RTN4: variants seen among roughly 807,000 people sequenced by gnomAD.
The protein encoded by RTN4 is reticulon-4.
A neutral mutation model predicts 90.4 loss-of-function variants in RTN4; 32 were observed. The ratio of observed to expected loss-of-function variants is 0.35; its 90% CI spans 0.27 to 0.48. The LOEUF is 0.48. RTN4 is among the 20% of genes least tolerant of loss of function. RTN4 has a pLI of 0.99. For missense variants in RTN4, 1,706 were observed against 1,430.2 expected (o/e 1.19, Z -3.11); for synonymous variants, 629 against 552.5 (o/e 1.14, Z -1.94).
At chr2:54,973,726 T>C in intron 7 of RTN4, 95 bp downstream of exon 7, 1 of 1,495,172 alleles carries the variant, frequency 6.7e-7, no homozygotes, top group Non-Finnish European at 9.3e-7. Flanking sequence ...TTCTCATTTT[T>C]GTAAGACATT....
intron 2 of RTN4, among the ~76,000 whole-genome samples, chr2:55,071,342 G>C (rs541685717): frequency 6.6e-6 from 1 of 151,802 alleles, no homozygotes; most frequent in Non-Finnish European, 1.5e-5. Flanking sequence ...TTCTGTACGG[G>C]TGATTATAAG....
chr2:54,991,864 A>T (rs190525717), intron 3 of RTN4, among the ~76,000 whole-genome samples: 171 of 152,324 alleles, frequency 1.1e-3, no homozygotes, highest in African/African-American at 3.9e-3. Context: ...TTTTTCAAGC[A>T]ATTATAAACT....
chr2:55,024,808 T>C (rs1681696463), intron 3 of RTN4, among the ~76,000 whole-genome samples: 2 of 152,048 alleles, frequency 1.3e-5, no homozygotes. Context: ...AAGAAAGAAA[T>C]AGGTACTAAA....
At chr2:55,129,073 A>T in the RTN4 span, among the ~76,000 whole-genome samples, 2 of 144,156 alleles carry the variant, frequency 1.4e-5, no homozygotes, top group Non-Finnish European at 3.0e-5. Context: ...GCGCCACTAC[A>T]CTCCAGCCTA....
At chr2:55,118,253 C>A in the RTN4 span, among the ~76,000 whole-genome samples, 3 of 151,926 alleles carry the variant, frequency 2.0e-5, no homozygotes, top group Non-Finnish European at 2.9e-5. Context: ...TTGCTTGAGC[C>A]CAGGAGCTCA....
chr2:54,981,845 G>T (rs1224654548), intron 5 of RTN4, among the ~76,000 whole-genome samples: 2 of 78,064 alleles, frequency 2.6e-5, no homozygotes, highest in Non-Finnish European at 5.3e-5. Flanking sequence ...AGCAAAGTCA[G>T]AATGAATAAA....
At chr2:55,114,401 C>T (rs949187049), upstream of RTN4, among the ~76,000 whole-genome samples, 4 of 152,168 alleles carry the variant, frequency 2.6e-5, no homozygotes, top group African/African-American at 9.7e-5. Flanking sequence ...TGTTTGATGT[C>T]TCCTGATTAA....
chr2:55,062,311 TCTAATTGAGCTGA>T (rs1418072909), intron 2 of RTN4, among the ~76,000 whole-genome samples: 10 of 148,574 alleles, frequency 6.7e-5, no homozygotes, highest in Admixed American at 6.7e-4. Context: ...AAGGCAGGGG[TCTAATTGAGCTGA>T]CTAACACAAG....
chr2:55,134,513 C>T, the RTN4 span, among the ~76,000 whole-genome samples: 1 of 152,192 alleles, frequency 6.6e-6, no homozygotes, highest in Non-Finnish European at 1.5e-5. Flanking sequence ...AGGCATTCAC[C>T]TTAGCTCAGA....
chr2:55,102,649 C>T (rs907946179), intron 1 of RTN4, among the ~76,000 whole-genome samples: 34 of 152,106 alleles, frequency 2.2e-4, no homozygotes, highest in African/African-American at 7.5e-4. Flanking sequence ...TAGGCCAGTG[C>T]ATGGTGCTTG....
At chr2:55,137,651 C>T in the RTN4 span, among the ~76,000 whole-genome samples, 2 of 152,124 alleles carry the variant, frequency 1.3e-5, no homozygotes, top group African/African-American at 2.4e-5. Flanking sequence ...CCAGACCAAC[C>T]ACCCCACTGC....
At chr2:55,001,722 A>C (rs558396040) in intron 3 of RTN4, among the ~76,000 whole-genome samples, 71 of 152,326 alleles carry the variant, frequency 4.7e-4, no homozygotes, top group African/African-American at 1.6e-3. Flanking sequence ...GGCACTTCAA[A>C]ACGGAGCCTC....
chr2:55,077,724 T>A (rs1400677467), intron 2 of RTN4, among the ~76,000 whole-genome samples: 2 of 147,952 alleles, frequency 1.4e-5, no homozygotes, highest in African/African-American at 2.5e-5. Flanking sequence ...CAAATGCCCA[T>A]CAATCAACAA....
intron 3 of RTN4, among the ~76,000 whole-genome samples, chr2:55,013,061 T>G (rs971595252): frequency 2.6e-5 from 4 of 152,186 alleles, no homozygotes; most frequent in Admixed American, 2.6e-4. Flanking sequence ...TTTTGACTAT[T>G]TGAGACAGGA....
At chr2:55,136,375 C>T in the RTN4 span, among the ~76,000 whole-genome samples, 1 of 152,366 alleles carries the variant, frequency 6.6e-6, no homozygotes, top group Admixed American at 6.5e-5. Flanking sequence ...ATCAGGGGAG[C>T]AGAGACACAA....
chr2:55,004,726 C>G (rs957758978), intron 3 of RTN4, among the ~76,000 whole-genome samples: 1 of 151,914 alleles, frequency 6.6e-6, no homozygotes, highest in South Asian at 2.1e-4. Flanking sequence ...ATCAGAAGAC[C>G]CAGTGATGAA....
chr2:55,045,642 T>C (rs1013873185), intron 1 of RTN4, among the ~76,000 whole-genome samples: 1 of 152,180 alleles, frequency 6.6e-6, no homozygotes, highest in African/African-American at 2.4e-5. Flanking sequence ...ACAATAACTT[T>C]AGAAACAACA....
Position 55,050,127 on chromosome 2 carries a change from C to A in RTN4, c.174G>T (p.Lys58Asn). ...GGGCCGCGGACAGCCCGGCGGCGGG[C>A]TTCCTCTCCAGCACCTCCAGCTCCT... is the stretch of plus-strand genomic sequence containing the variant. Reference protein sequence around the residue: ...DLEELEVLERKPAAGLSAAPV... With the variant: ...DLEELEVLERNPAAGLSAAPV... Residue 58 changes from lysine (K) to asparagine (N), a missense_variant, in exon 1 of 9, where the codon AAG becomes AAT. Physicochemically the swap from Lys to Asn is moderately conservative, Grantham distance 94 (BLOSUM62 0). Transcript: ENST00000337526. This position sits in a 1 kb window ranked among gnomAD's most constrained non-coding sequence, Gnocchi z 4.6. 6.6e-7 allele frequency: 1 copy of A among 1,518,210 alleles called. No individual in the cohort carries two copies. The highest frequency in any genetic ancestry group is 1.2e-5 in the South Asian group (1 of 82,496). The allele number at this position is 1,518,210 out of a possible 1,614,324, so 94.0% of individuals were successfully genotyped here.
chr2:55,021,397 C>G (rs1224956139), intron 3 of RTN4, among the ~76,000 whole-genome samples: 3 of 151,368 alleles, frequency 2.0e-5, no homozygotes, highest in Non-Finnish European at 2.9e-5. Context: ...CCCTGCCCCC[C>G]CCGCCAAAAA....
Sources: gnomAD v4.1 joint callset for allele counts (sites outside exome capture counted in the v4.1 genomes callset) on GRCh38, gnomAD v4.1.1 for gene constraint, Gnocchi (gnomAD v3.1) non-coding constraint, MANE v1.5 for transcripts, NCBI Gene and HGNC (gene_info 2026-07-23, HGNC 2026-07-21) for gene names.